UTRN: variants seen among roughly 807,000 people sequenced by gnomAD.
The protein encoded by UTRN is utrophin.
Under a neutral mutation model 463.9 loss-of-function variants are expected in UTRN, and 283 were observed. That is an observed-to-expected ratio of 0.61 (90% confidence interval 0.55 to 0.67). UTRN has a LOEUF of 0.67. UTRN is among the 30% of genes least tolerant of loss of function. UTRN has a pLI of 0.00. For synonymous variants in UTRN, 1,442 were observed against 1,431.5 expected, an observed-to-expected ratio of 1.01 and a Z score of -0.17; for missense variants, 3,922 against 4,084.3, an observed-to-expected ratio of 0.96 and a Z score of 1.08.
chr6:144,683,392 A>G (rs1003525552), intron 52 of UTRN, among the ~76,000 whole-genome samples: 11 of 151,964 alleles, frequency 7.2e-5, no homozygotes, highest in African/African-American at 2.7e-4. Context: ...AAGAGACCAG[A>G]GTGTGCTTAG....
intron 74 of UTRN, among the ~76,000 whole-genome samples, chr6:144,849,688 G>A (rs9497098): frequency 0.021 from 3,238 of 152,136 alleles, 116 homozygotes; most frequent in African/African-American, 0.074. Flanking sequence ...GGAGGGTTGG[G>A]CTAATATTTA....
At chr6:144,328,115 T>A (rs1776092350) in intron 2 of UTRN, among the ~76,000 whole-genome samples, 1 of 151,956 alleles carries the variant, frequency 6.6e-6, no homozygotes, top group Non-Finnish European at 1.5e-5. Flanking sequence ...ACCTGTCTGC[T>A]ATCCTCCCTT....
intron 2 of UTRN, among the ~76,000 whole-genome samples, chr6:144,306,770 A>G (rs934127612): frequency 6.6e-6 from 1 of 151,982 alleles, no homozygotes; most frequent in Non-Finnish European, 1.5e-5. Flanking sequence ...TTAAAAATTC[A>G]AGAGGCCGGG....
chr6:144,676,454 G>A (rs1407704367), intron 51 of UTRN, among the ~76,000 whole-genome samples: 2 of 151,668 alleles, frequency 1.3e-5, no homozygotes, highest in African/African-American at 4.9e-5. Context: ...CTCTGTTTTT[G>A]TGTGTGCATA....
intron 51 of UTRN, among the ~76,000 whole-genome samples, chr6:144,605,666 G>A (rs1254737825): frequency 1.4e-5 from 2 of 144,732 alleles, no homozygotes; most frequent in African/African-American, 5.1e-5. Context: ...GTTAACTTCA[G>A]TGTGGGTGCC....
chr6:144,680,697 G>T (rs996081523), intron 52 of UTRN, among the ~76,000 whole-genome samples: 4 of 152,124 alleles, frequency 2.6e-5, no homozygotes, highest in African/African-American at 9.7e-5. Context: ...CACTTCAGAT[G>T]ATCAAAGAAG....
At chr6:144,610,940 T>C (rs1346865775) in intron 51 of UTRN, among the ~76,000 whole-genome samples, 1 of 151,992 alleles carries the variant, frequency 6.6e-6, no homozygotes, top group Non-Finnish European at 1.5e-5. Context: ...CCATAATGAA[T>C]ACAGGTGAAA....
At chr6:144,477,174 T>C (rs1791306422) in intron 25 of UTRN, among the ~76,000 whole-genome samples, 1 of 152,190 alleles carries the variant, frequency 6.6e-6, no homozygotes, top group Non-Finnish European at 1.5e-5. Flanking sequence ...GGAGGTATTC[T>C]TTCCCAATTG....
intron 62 of UTRN, among the ~76,000 whole-genome samples, chr6:144,790,833 A>T (rs111341540): frequency 1.7e-3 from 255 of 152,310 alleles, no homozygotes; most frequent in Middle Eastern, 0.01. Flanking sequence ...TGTGCTTCTG[A>T]AACAATTAGG....
chr6:144,361,480 A>G (rs1779071225), intron 2 of UTRN, among the ~76,000 whole-genome samples: 1 of 152,222 alleles, frequency 6.6e-6, no homozygotes. Context: ...CTTCCAGGGA[A>G]GTCCAGAATC....
rs149574156 is a variant in UTRN at position 144,754,329 on chromosome 6, T to C, written c.8356-391T>C. On this transcript the variant is annotated intron_variant, in intron 56 of 74. Transcript: ENST00000367545. The stretch of plus-strand genomic sequence containing the variant: ...ACAGTTAGGGCACAGATTCTGGCAC[T>C]GTATGACCAGAATACGAACAGGAGT... Among the ~76,000 whole-genome samples, 312 of 152,336 alleles carry C rather than the reference T, an allele frequency of 2.0e-3. 3 individuals carry two copies. Among genetic ancestry groups the C allele is most frequent in the African/African-American group, 7.2e-3 (298 of 41,592 alleles).
chr6:144,750,040 A>G (rs1791206837), intron 55 of UTRN, among the ~76,000 whole-genome samples: 1 of 152,186 alleles, frequency 6.6e-6, no homozygotes, highest in African/African-American at 2.4e-5. Context: ...GAGAATATTA[A>G]TGCATATAGC....
chr6:144,829,329 C>T (rs1050250984), intron 69 of UTRN, among the ~76,000 whole-genome samples: 6 of 152,108 alleles, frequency 3.9e-5, no homozygotes, highest in African/African-American at 1.4e-4. Context: ...GTTAACTCCT[C>T]TGCCAATATT....
rs753722581 is a variant in UTRN, at chr6:144,789,196, G to C, written c.8837G>C (p.Gly2946Ala). 10 of 1,612,436 alleles carry C rather than the reference G, an allele frequency of 6.2e-6. No individual in the cohort carries two copies. In the Admixed American group the frequency reaches 1.7e-4, roughly 27 times the overall value. ...CATTAACATTCTTATAATTTTAGGG[G>C]TCGAACTGGAAAAATTAGAGTGCAG... ...LNWLLNVYDTGRTGKIRVQSL... is the reference protein window; with the variant it reads ...LNWLLNVYDTARTGKIRVQSL... The change falls in exon 62 of 75, where the codon GGT (glycine) becomes GCT (alanine). Residue 2946 changes from glycine (G) to alanine (A), a missense_variant and splice_region_variant. By Grantham distance (60) the Gly-to-Ala change is moderately conservative. Coordinates refer to ENST00000367545, the MANE Select transcript of UTRN (RefSeq NM_007124.3).
At chr6:144,626,439 C>T (rs529781317) in intron 51 of UTRN, among the ~76,000 whole-genome samples, 5 of 152,328 alleles carry the variant, frequency 3.3e-5, no homozygotes, top group South Asian at 4.1e-4. Flanking sequence ...CGACCTCAAA[C>T]GTGAATCCGC....
At chr6:144,802,960 G>A (rs1777832435) in intron 64 of UTRN, 76 bp from the exon 65 acceptor site, 16 of 1,036,246 alleles carry the variant, frequency 1.5e-5, no homozygotes, top group Non-Finnish European at 2.1e-5. Flanking sequence ...TAATTCGGAT[G>A]AATGAAATTT....
At chr6:144,802,367 C>T (rs1465501577) in intron 64 of UTRN, among the ~76,000 whole-genome samples, 1 of 152,124 alleles carries the variant, frequency 6.6e-6, no homozygotes, top group African/African-American at 2.4e-5. Context: ...CTTCCATTTT[C>T]ATTCTGTTGG....
At chr6:144,294,741 T>C (rs1030317711) in intron 2 of UTRN, among the ~76,000 whole-genome samples, 1 of 152,260 alleles carries the variant, frequency 6.6e-6, no homozygotes, top group African/African-American at 2.4e-5. Context: ...ATTGTGATTA[T>C]TTTTATTGTC....
chr6:144,745,850 C>T (rs1790676481), intron 54 of UTRN, among the ~76,000 whole-genome samples: 1 of 151,920 alleles, frequency 6.6e-6, no homozygotes, highest in Non-Finnish European at 1.5e-5. Context: ...TTTGAAAAAG[C>T]CCAAGTGACT....
Sources: gnomAD v4.1 joint callset for allele counts (sites outside exome capture counted in the v4.1 genomes callset) on GRCh38, gnomAD v4.1.1 for gene constraint, MANE v1.5 for transcripts, NCBI Gene and HGNC (gene_info 2026-07-23, HGNC 2026-07-21) for gene names.